CTNNA2: variants seen among roughly 807,000 people sequenced by gnomAD.
The protein encoded by CTNNA2 is catenin alpha-2.
A neutral mutation model predicts 101.0 loss-of-function variants in CTNNA2; 42 were observed. That is an observed-to-expected ratio of 0.42 (90% CI 0.32 to 0.54). The LOEUF is 0.54. Among genes scored for constraint, CTNNA2 ranks in the 20% least tolerant of loss-of-function variants. The pLI, the probability that CTNNA2 is intolerant of heterozygous loss-of-function variation, is 0.14. For missense variants in CTNNA2, 871 were observed against 1,223.1 expected, an observed-to-expected ratio of 0.71 and a Z score of 4.29; for synonymous variants, 450 against 456.4, an observed-to-expected ratio of 0.99 and a Z score of 0.18.
intron 7 of CTNNA2, among the ~76,000 whole-genome samples, chr2:79,975,418 G>C (rs1574450412): frequency 1.3e-5 from 2 of 152,132 alleles, no homozygotes; most frequent in Admixed American, 6.5e-5. Context: ...CACACTAAGA[G>C]ATCAATTTTG....
At chr2:80,647,000 G>T (rs1392847728) in intron 18 of CTNNA2, among the ~76,000 whole-genome samples, 1 of 152,058 alleles carries the variant, frequency 6.6e-6, no homozygotes, top group East Asian at 1.9e-4. Flanking sequence ...TTTCATTAAT[G>T]CATGTATGAG....
At chr2:79,291,373 A>G (rs1675808297) in intron 2 of CTNNA2, among the ~76,000 whole-genome samples, 1 of 152,160 alleles carries the variant, frequency 6.6e-6, no homozygotes, top group Non-Finnish European at 1.5e-5. Context: ...GAGATGATAT[A>G]TCCAGGAATT....
chr2:79,881,019 C>G (rs1056612095), intron 6 of CTNNA2, among the ~76,000 whole-genome samples: 11 of 151,718 alleles, frequency 7.3e-5, no homozygotes, highest in African/African-American at 2.7e-4. Flanking sequence ...TATGTTATCT[C>G]TGCTCTTTGG....
At chr2:79,569,525 G>A (rs990650801) in intron 1 of CTNNA2, among the ~76,000 whole-genome samples, 39 of 152,286 alleles carry the variant, frequency 2.6e-4, no homozygotes, top group African/African-American at 7.9e-4. Flanking sequence ...TACCTTTCTT[G>A]TATTCTTTGC....
intron 3 of CTNNA2, among the ~76,000 whole-genome samples, chr2:79,818,821 T>TTTTATATATATATATACATATATA (rs1553373413): frequency 1.3e-5 from 1 of 74,280 alleles, no homozygotes; most frequent in African/African-American, 7.4e-5. Flanking sequence ...CAAAATGCAA[T>TTTTATATATATATATACATATATA]TATATATATA....
intron 3 of CTNNA2, among the ~76,000 whole-genome samples, chr2:79,810,607 A>G (rs191500152): frequency 0.014 from 2,041 of 150,618 alleles, 54 homozygotes; most frequent in African/African-American, 0.047. Flanking sequence ...TACATGTGCC[A>G]TGTTGGTGTG....
At chr2:79,758,773 A>G (rs924431413) in intron 3 of CTNNA2, among the ~76,000 whole-genome samples, 2 of 152,174 alleles carry the variant, frequency 1.3e-5, no homozygotes, top group Non-Finnish European at 2.9e-5. Flanking sequence ...AAAGGACATA[A>G]TTTCATTCTT....
chr2:79,762,390 G>C (rs1672852666), intron 3 of CTNNA2, among the ~76,000 whole-genome samples: 1 of 152,124 alleles, frequency 6.6e-6, no homozygotes, highest in South Asian at 2.1e-4. Context: ...AATCCTCCTG[G>C]TTTTTGCAAA....
chr2:79,341,645 A>G (rs945155941), intron 3 of CTNNA2, among the ~76,000 whole-genome samples: 2 of 152,218 alleles, frequency 1.3e-5, no homozygotes, highest in African/African-American at 4.8e-5. Flanking sequence ...AATAAATGTC[A>G]TACATACTTA....
rs112284918 is a variant in CTNNA2 at position 80,187,818 on chromosome 2, T to TAA, written c.1057-205380_1057-205379dup. Among the ~76,000 whole-genome samples the TAA allele has an allele frequency of 1.7e-3, 238 of 141,178 alleles. 1 individual carries two copies. The highest frequency in any genetic ancestry group is 5.9e-3 in the African/African-American group (228 of 38,706). The allele number at this position is 141,178 out of a possible 152,430, so 92.6% of individuals were successfully genotyped here. On this transcript the variant is annotated intron_variant, in intron 7 of 18. Transcript: ENST00000402739. ...CTACATCTCTGAGAAATTTAAACAC[T>TAA]AAAAAAAAAAAAAATGCTTTTTTCT...
At chr2:79,307,326 C>G (rs896945920) in intron 2 of CTNNA2, among the ~76,000 whole-genome samples, 1 of 146,006 alleles carries the variant, frequency 6.8e-6, no homozygotes, top group Non-Finnish European at 1.5e-5. Context: ...TATAGAGCAC[C>G]GGAACTTACT....
At chr2:79,272,800 C>A (rs1214467799) in intron 2 of CTNNA2, among the ~76,000 whole-genome samples, 1 of 151,980 alleles carries the variant, frequency 6.6e-6, no homozygotes, top group South Asian at 2.1e-4. Flanking sequence ...CTTGTTTTCA[C>A]CTAACTTTTG....
At chr2:80,162,453 G>A (rs1275140555) in intron 7 of CTNNA2, 1 of 1,590,600 alleles carries the variant, frequency 6.3e-7, no homozygotes, top group Non-Finnish European at 8.6e-7. Flanking sequence ...ATGTGTTAGT[G>A]TCGAGATGAG....
At chr2:80,232,345 GTTTTTTTTTTTTTT>G (rs61454985) in intron 7 of CTNNA2, among the ~76,000 whole-genome samples, 3 of 64,842 alleles carry the variant, frequency 4.6e-5, no homozygotes, top group African/African-American at 8.8e-5. Flanking sequence ...TTGTTTGTTT[GTTTTTTTTTTTTTT>G]TTTTTTTTTT....
At chr2:79,369,160 A>G in intron 3 of CTNNA2, among the ~76,000 whole-genome samples, 1 of 152,116 alleles carries the variant, frequency 6.6e-6, no homozygotes. Flanking sequence ...GAGAAGGTAG[A>G]ATGTGAGAGG....
chr2:79,338,713 C>T lies in CTNNA2; in HGVS notation c.-318+25917C>T, dbSNP rs549473813. On this transcript the variant is annotated intron_variant, in intron 3 of 21. Coordinates refer to the CTNNA2 transcript ENST00000466387. ...AGGGCAAAATATAATAATGGAGACA[C>T]TATAGGAACCCACTTCAATATCCAG... 2.0e-5 allele frequency among the ~76,000 whole-genome samples: 3 copies of T among 151,356 alleles called. No homozygotes were observed. In the East Asian group the frequency reaches 5.9e-4, roughly 30 times the overall value.
intron 4 of CTNNA2, among the ~76,000 whole-genome samples, chr2:79,454,005 C>T (rs917957278): frequency 6.6e-6 from 1 of 152,062 alleles, no homozygotes; most frequent in Non-Finnish European, 1.5e-5. Flanking sequence ...ATAGATAAAG[C>T]CCCTCAGTTC....
chr2:80,321,919 T>G (rs1013116274), intron 7 of CTNNA2, among the ~76,000 whole-genome samples: 1 of 150,972 alleles, frequency 6.6e-6, no homozygotes, highest in African/African-American at 2.4e-5. Flanking sequence ...CTTCTGAAGA[T>G]TCTCTGTATT....
At chr2:80,333,090 A>C (rs963728630) in intron 7 of CTNNA2, among the ~76,000 whole-genome samples, 1 of 152,332 alleles carries the variant, frequency 6.6e-6, no homozygotes, top group East Asian at 1.9e-4. Context: ...GATTCCTTGC[A>C]ACAGAGACTG....
Sources: allele counts gnomAD v4.1 joint callset (sites outside exome capture counted in the v4.1 genomes callset), GRCh38; gene constraint gnomAD v4.1.1; transcripts MANE v1.5; gene names NCBI Gene and HGNC (gene_info 2026-07-23, HGNC 2026-07-21).